Variants in TCERG1L observed in about 807,000 individuals in gnomAD.
The protein encoded by TCERG1L is transcription elongation regulator 1-like protein.
Under a neutral mutation model 56.3 loss-of-function variants are expected in TCERG1L, and 37 were observed. The ratio of observed to expected loss-of-function variants is 0.66; its 90% confidence interval spans 0.51 to 0.87. The LOEUF is 0.87. Among genes scored for constraint, TCERG1L ranks in the 40% least tolerant of loss-of-function variants. TCERG1L has a pLI of 0.00. For synonymous variants in TCERG1L, 324 were observed against 326.3 expected (o/e 0.99, Z 0.08); for missense variants, 799 against 774.2 (o/e 1.03, Z -0.38).
chr10:131,227,701 T>C (rs919590528), intron 4 of TCERG1L, among the ~76,000 whole-genome samples: 1 of 152,090 alleles, frequency 6.6e-6, no homozygotes, highest in Non-Finnish European at 1.5e-5. Flanking sequence ...ACTGAAAAGA[T>C]GAATGAGTTA....
At chr10:131,309,834 C>CAAA (rs58892586) in intron 1 of TCERG1L, among the ~76,000 whole-genome samples, 2,275 of 49,848 alleles carry the variant, frequency 0.046, 319 homozygotes, top group African/African-American at 0.091. Flanking sequence ...GATTCTATGG[C>CAAA]AAAAAAAAAA....
At chr10:131,105,600 T>C (rs937423732) in intron 9 of TCERG1L, among the ~76,000 whole-genome samples, 1 of 151,926 alleles carries the variant, frequency 6.6e-6, no homozygotes, top group African/African-American at 2.4e-5. Flanking sequence ...TACTCGTTCA[T>C]GCCTCCATGT....
intron 8 of TCERG1L, among the ~76,000 whole-genome samples, chr10:131,126,759 C>T (rs1467168160): frequency 2.0e-5 from 3 of 152,218 alleles, no homozygotes; most frequent in African/African-American, 7.2e-5. Flanking sequence ...GCAGCACCTA[C>T]CTCCACCCAG....
At chr10:131,117,659 A>T (rs1450850209) in intron 8 of TCERG1L, among the ~76,000 whole-genome samples, 2 of 152,134 alleles carry the variant, frequency 1.3e-5, no homozygotes, top group African/African-American at 4.8e-5. Context: ...CCACGAGCTG[A>T]CCATGCCGGG....
chr10:131,208,040 C>T (rs1174400511), intron 4 of TCERG1L, among the ~76,000 whole-genome samples: 11 of 152,166 alleles, frequency 7.2e-5, no homozygotes, highest in Non-Finnish European at 2.9e-5. Context: ...CCCTAGGGAC[C>T]AGCCCAACCA....
rs868223783 is a variant in TCERG1L at position 131,311,694 on chromosome 10, G to A, written c.-59C>T. ...CGGCGGGCGCCCGAGATGCTGGGCC[G>A]GCGGCGGCGCGGCTCCGGAGCGAAC... On this transcript the variant is annotated 5_prime_UTR_variant, in exon 1 of 12. Transcript: ENST00000368642. The surrounding 1 kb of genome is among the most constrained non-coding windows in gnomAD (Gnocchi z 4.0). 12,425 of 906,544 alleles carry A rather than the reference G, an allele frequency of 0.014. 146 individuals carry two copies. The highest frequency in any genetic ancestry group is 0.028 in the Middle Eastern group (58 of 2,092). The allele number at this position is 906,544 out of a possible 1,614,324, so 56.2% of individuals were successfully genotyped here.
At position 131,103,139 on chromosome 10, in the gene TCERG1L, G is replaced by C. The variant is rs1845319840; in HGVS notation, c.1485+1126C>G. Among the ~76,000 whole-genome samples, 1 of 151,692 alleles carries C rather than the reference G, an allele frequency of 6.6e-6. No individual in the cohort carries two copies. The highest frequency in any genetic ancestry group is 1.5e-5 in the Non-Finnish European group (1 of 68,014). ...CAACCTGAAGAACAAGCAGAAAGAG[G>C]CTCTCTGAAATGAAATGGATGCTTA... On this transcript the variant is annotated intron_variant, in intron 10 of 11. Transcript: ENST00000368642. This position sits in a 1 kb window ranked among gnomAD's most constrained non-coding sequence, Gnocchi z 4.3.
chr10:131,094,141 C>A (rs924658725), intron 11 of TCERG1L, among the ~76,000 whole-genome samples: 4 of 152,202 alleles, frequency 2.6e-5, no homozygotes, highest in African/African-American at 9.7e-5. Flanking sequence ...TTCGCAGGCA[C>A]CGGGCCCCGC....
intron 3 of TCERG1L, among the ~76,000 whole-genome samples, chr10:131,291,349 T>G (rs897268251): frequency 6.9e-6 from 1 of 145,880 alleles, no homozygotes; most frequent in Non-Finnish European, 1.5e-5. Flanking sequence ...CCAAGATATA[T>G]ATAGATAGAT....
At chr10:131,132,805 G>C (rs145150904) in intron 8 of TCERG1L, among the ~76,000 whole-genome samples, 30 of 152,264 alleles carry the variant, frequency 2.0e-4, no homozygotes, top group African/African-American at 7.0e-4. Flanking sequence ...GGAGATTTGG[G>C]GTAGCAAGAA....
chr10:131,236,371 C>A (rs1176109433), intron 4 of TCERG1L, among the ~76,000 whole-genome samples: 2 of 152,220 alleles, frequency 1.3e-5, no homozygotes, highest in Admixed American at 6.5e-5. Context: ...TGGAAATCAG[C>A]CTCAGACAGG....
At chr10:131,134,514 G>T in intron 7 of TCERG1L, 66 bp from the exon 8 acceptor site, 7 of 1,252,116 alleles carry the variant, frequency 5.6e-6, no homozygotes, top group Non-Finnish European at 8.0e-6. Context: ...AAACCACCAG[G>T]TGACACTCAC....
intron 3 of TCERG1L, among the ~76,000 whole-genome samples, chr10:131,276,028 C>T (rs1344963198): frequency 6.6e-6 from 1 of 152,192 alleles, no homozygotes; most frequent in Non-Finnish European, 1.5e-5. Context: ...GGATCCTGCT[C>T]CAAGGCCCAT....
In TCERG1L at chr10:131,242,860, T is replaced by TA. The variant is rs1446499080; in HGVS notation, c.856+17398_856+17399insT. 2.6e-5 allele frequency among the ~76,000 whole-genome samples: 4 copies of TA among 152,114 alleles called. No individual in the cohort carries two copies. The East Asian group carries it at 7.7e-4, about 29-fold the overall frequency. ...CTAGGAACAAAACTAGAAAATCTGG[T>TA]GGTCCCTGTAAAAGCGAATATAATT... On this transcript the variant is annotated intron_variant, in intron 4 of 11. Transcript: ENST00000368642.
chr10:131,210,955 C>A (rs74477959), intron 4 of TCERG1L, among the ~76,000 whole-genome samples: 7,094 of 152,238 alleles, frequency 0.047, 442 homozygotes, highest in African/African-American at 0.15. Flanking sequence ...AAGATTTACA[C>A]CTTCCACGAG....
intron 4 of TCERG1L, among the ~76,000 whole-genome samples, chr10:131,232,074 C>T (rs1234537645): frequency 1.3e-5 from 2 of 152,254 alleles, no homozygotes; most frequent in Non-Finnish European, 2.9e-5. Flanking sequence ...GCCATTCTGC[C>T]ACCTCCTTGA....
chr10:131,158,614 C>T (rs572775344), intron 6 of TCERG1L, among the ~76,000 whole-genome samples: 14 of 152,310 alleles, frequency 9.2e-5, no homozygotes, highest in Middle Eastern at 3.4e-3. Context: ...CCTGCTTGGC[C>T]GGCCCACCTA....
At chr10:131,310,784 G>A (rs563067386) in intron 1 of TCERG1L, among the ~76,000 whole-genome samples, 115 of 152,190 alleles carry the variant, frequency 7.6e-4, no homozygotes, top group African/African-American at 2.7e-3. Context: ...TCCGTCGGTT[G>A]GAATTCTCTT....
At chr10:131,135,841 G>C (rs577689286) in intron 7 of TCERG1L, among the ~76,000 whole-genome samples, 40 of 152,356 alleles carry the variant, frequency 2.6e-4, no homozygotes, top group Middle Eastern at 3.4e-3. Flanking sequence ...CTAGGAGGAA[G>C]GAATTCCCAT....
Sources: allele counts gnomAD v4.1 joint callset (sites outside exome capture counted in the v4.1 genomes callset), GRCh38; gene constraint gnomAD v4.1.1; non-coding constraint Gnocchi (gnomAD v3.1); transcripts MANE v1.5; gene names NCBI Gene and HGNC (gene_info 2026-07-23, HGNC 2026-07-21).